The following FAM114A2 variants were observed in gnomAD, a reference collection of about 807,000 sequenced individuals.
The protein encoded by FAM114A2 is protein FAM114A2.
FAM114A2 carries 53 observed loss-of-function variants against 58.4 expected under a neutral mutation model. The observed-to-expected ratio is 0.91, with a 90% CI of 0.73 to 1.14. The LOEUF (loss-of-function observed/expected upper bound fraction) is 1.14. Among genes scored for constraint, FAM114A2 ranks in the 50% most tolerant of loss-of-function variants. The probability of loss-of-function intolerance (pLI) is 0.00; values close to 1 mark genes in which losing one functional copy is unlikely to be tolerated. For missense variants in FAM114A2, 601 were observed against 581.1 expected (o/e 1.03, Z -0.35); for synonymous variants, 228 against 211.4 (o/e 1.08, Z -0.68).
intron 8 of FAM114A2, among the ~76,000 whole-genome samples, chr5:154,024,895 T>C (rs1183748094): frequency 6.6e-6 from 1 of 152,202 alleles, no homozygotes; most frequent in Non-Finnish European, 1.5e-5. Context: ...AAGAAGAGTC[T>C]ATAAGCACTG....
At chr5:153,994,715 A>C in intron 13 of FAM114A2, 1 of 517,344 alleles carries the variant, frequency 1.9e-6, no homozygotes, top group Non-Finnish European at 3.5e-6. Flanking sequence ...TGCTTCTTCC[A>C]GTACCCTGCA....
intron 12 of FAM114A2, among the ~76,000 whole-genome samples, chr5:153,996,991 T>TAAAA (rs57110256): frequency 8.2e-5 from 10 of 121,254 alleles, no homozygotes; most frequent in Non-Finnish European, 1.2e-4. Context: ...GAGCAAAACT[T>TAAAA]AAAAAAAAAA....
intron 8 of FAM114A2, among the ~76,000 whole-genome samples, chr5:154,016,238 G>A (rs1008117445): frequency 6.6e-6 from 1 of 152,174 alleles, no homozygotes; most frequent in Non-Finnish European, 1.5e-5. Flanking sequence ...TAGAGACTTA[G>A]GCATCCAAAT....
intron 10 of FAM114A2, 82 bp downstream of exon 10, chr5:154,002,765 A>T: frequency 6.9e-7 from 1 of 1,440,650 alleles, no homozygotes; most frequent in Non-Finnish European, 9.6e-7. Flanking sequence ...ACAGCAGTGT[A>T]AAAATAGGAG....
intron 11 of FAM114A2, among the ~76,000 whole-genome samples, chr5:154,000,120 A>T (rs1467228282): frequency 3.9e-5 from 6 of 152,146 alleles, no homozygotes; most frequent in African/African-American, 1.4e-4. Flanking sequence ...TCATGTTCTC[A>T]CTCATATGTG....
intron 13 of FAM114A2, 125 bp from the exon 14 acceptor site, chr5:153,993,235 G>A (rs970353283): frequency 2.7e-6 from 2 of 738,770 alleles, no homozygotes; most frequent in Non-Finnish European, 2.0e-6. Flanking sequence ...TGGCAAGTAA[G>A]AGCAGTGACT....
intron 8 of FAM114A2, among the ~76,000 whole-genome samples, chr5:154,012,528 C>A (rs1770767676): frequency 6.6e-6 from 1 of 152,172 alleles, no homozygotes; most frequent in Non-Finnish European, 1.5e-5. Context: ...TTTGCCAGGG[C>A]AAATCATTAC....
chr5:154,012,585 T>C (rs1279555761), intron 8 of FAM114A2, among the ~76,000 whole-genome samples: 1 of 152,172 alleles, frequency 6.6e-6, no homozygotes, highest in Non-Finnish European at 1.5e-5. Context: ...AATAAAACAG[T>C]GTATCTTGGC....
At chr5:154,036,773 C>T (rs1307462954) in intron 1 of FAM114A2, 2 of 152,184 alleles carry the variant, frequency 1.3e-5, no homozygotes, top group Admixed American at 1.3e-4. Flanking sequence ...AGTGCCAAAT[C>T]CAGCCTACAG....
chr5:154,017,887 C>T (rs183137812), intron 8 of FAM114A2, among the ~76,000 whole-genome samples: 50 of 152,138 alleles, frequency 3.3e-4, no homozygotes, highest in Non-Finnish European at 1.5e-5. Flanking sequence ...ATGACAATAG[C>T]GATACAACCT....
chr5:153,996,098 C>T (rs1308468436), intron 12 of FAM114A2, among the ~76,000 whole-genome samples: 2 of 152,156 alleles, frequency 1.3e-5, no homozygotes. Context: ...GTCAAAAAAT[C>T]TTGAAAATAA....
chr5:153,993,040 A>G lies in FAM114A2; in HGVS notation c.1454T>C (p.Ile485Thr). The G allele has an allele frequency of 1.2e-6, 2 of 1,613,596 alleles. No homozygotes were observed. The highest frequency in any genetic ancestry group is 1.7e-6 in the Non-Finnish European group (2 of 1,179,580). Residue 485 changes from isoleucine (I) to threonine (T), a missense_variant, in exon 14 of 14, where the codon ATT becomes ACT. Physicochemically the swap from Ile to Thr is moderately conservative, Grantham distance 89. Coordinates refer to ENST00000351797, the MANE Select transcript of FAM114A2 (RefSeq NM_018691.4). ...LLLPVLEISL[I>T]ENKIESHRHE... is the part of the protein sequence containing the mutation. ...TCTGTGTGATTCAATCTTGTTCTCA[A>G]TGAGAGAGATCTCTAGCACAGGTAA...
At position 154,007,233 on chromosome 5, in the gene FAM114A2, G is replaced by A. The variant is rs1017431688; in HGVS notation, c.993+4008C>T. 3.9e-5 allele frequency among the ~76,000 whole-genome samples: 6 copies of A among 152,148 alleles called. No individual in the cohort carries two copies. The South Asian group carries it at 1.2e-3, about 32-fold the overall frequency. ...TCCCAAAATAATTAATGTCATCCACGACCACATTTCAGTCTGGAACTTCCC... is the reference window on the plus strand; with the variant it reads ...TCCCAAAATAATTAATGTCATCCACAACCACATTTCAGTCTGGAACTTCCC... On this transcript the variant is annotated intron_variant, in intron 9 of 13. Coordinates refer to ENST00000351797, the MANE Select transcript of FAM114A2 (RefSeq NM_018691.4).
intron 4 of FAM114A2, 33 bp downstream of exon 4, chr5:154,033,758 T>A: frequency 7.9e-7 from 1 of 1,260,594 alleles, no homozygotes; most frequent in Non-Finnish European, 1.1e-6. Flanking sequence ...TTTCAATTCA[T>A]AATTCTAGGT....
In FAM114A2 at chr5:154,027,329, T is replaced by C. The variant is rs1316691952; in HGVS notation, c.636A>G (p.Leu212=). The change falls in exon 7 of 14, where the codon TTA becomes TTG. Residue 212 remains leucine (L), a synonymous_variant. Transcript: ENST00000351797. The stretch of plus-strand genomic sequence containing the variant: ...TCTCTTCTTTCTCCTTCGCCTCTCG[T>C]AAAACCTAAAAAGAGATGGAGGCAT... The part of the protein sequence containing the change: ...MNRNATLSQV[L]REAKEKEEIR... The C allele has an allele frequency of 1.9e-6, 3 of 1,609,390 alleles. No homozygotes were observed. In the South Asian group the frequency reaches 3.3e-5, roughly 18 times the overall value.
Position 153,992,943 on chromosome 5 carries a change from G to T in FAM114A2, c.*33C>A. ...CAGAATAAGGTGGCATTCCTTGGCC[G>T]TCACAAGTCCCAGGTCAAAACGTCT... On this transcript the variant is annotated 3_prime_UTR_variant, in exon 14 of 14. Transcript: ENST00000351797. 6.3e-7 allele frequency: 1 copy of T among 1,591,498 alleles called. No homozygotes were observed. The highest frequency in any genetic ancestry group is 1.1e-5 in the South Asian group (1 of 87,996).
chr5:153,999,728 C>G (rs1293879826), intron 11 of FAM114A2, among the ~76,000 whole-genome samples: 1 of 151,118 alleles, frequency 6.6e-6, no homozygotes, highest in Non-Finnish European at 1.5e-5. Flanking sequence ...ACTATGAAAA[C>G]CAGTATGAAG....
rs1287109797 is a variant in FAM114A2 at position 153,990,487 on chromosome 5, G to T, written c.*2489C>A. 7.8e-6 allele frequency: 1 copy of T among 128,706 alleles called. No homozygotes were observed. The highest frequency in any genetic ancestry group is 1.6e-5 in the Non-Finnish European group (1 of 60,812). The allele number at this position is 128,706 out of a possible 1,614,324, so 8.0% of individuals were successfully genotyped here. On this transcript the variant is annotated 3_prime_UTR_variant, in exon 14 of 14. Transcript: ENST00000351797. ...CACATTTCAGAGGCCTGCCAACCTG[G>T]ATATCTATGCTTAAAAAAAAAAAAA...
chr5:154,002,219 GC>G (rs773214492), intron 11 of FAM114A2, 31 bp downstream of exon 11: 2 of 1,595,790 alleles, frequency 1.3e-6, no homozygotes, highest in Non-Finnish European at 1.7e-6. Context: ...CCTGCAATTT[GC>G]ATCATTTAGA....
Sources: allele counts gnomAD v4.1 joint callset (sites outside exome capture counted in the v4.1 genomes callset), GRCh38; gene constraint gnomAD v4.1.1; transcripts MANE v1.5; gene names NCBI Gene and HGNC (gene_info 2026-07-23, HGNC 2026-07-21).